TBC1D32: variants seen among roughly 807,000 people sequenced by gnomAD.
TBC1D32 encodes the protein protein broad-minded.
TBC1D32 carries 151 observed loss-of-function variants against 170.3 expected under a neutral mutation model. That is an observed-to-expected ratio of 0.89 (90% CI 0.78 to 1.01). The LOEUF is 1.01. Among genes scored for constraint, TBC1D32 ranks in the 50% least tolerant of loss-of-function variants. TBC1D32 has a pLI of 0.00. For missense variants in TBC1D32, 1,464 were observed against 1,457.1 expected (o/e 1.00, Z -0.08); for synonymous variants, 498 against 488.0 (o/e 1.02, Z -0.27).
intron 22 of TBC1D32, among the ~76,000 whole-genome samples, chr6:121,189,731 A>G (rs1789692392): frequency 6.6e-6 from 1 of 152,060 alleles, no homozygotes; most frequent in South Asian, 2.1e-4. Context: ...AGCATAACCT[A>G]GTTATAATCA....
chr6:121,214,935 TAA>T (rs990437857), intron 21 of TBC1D32, among the ~76,000 whole-genome samples: 1 of 152,092 alleles, frequency 6.6e-6, no homozygotes, highest in African/African-American at 2.4e-5. Context: ...CAGAAGTGGG[TAA>T]AGACTTTCTG....
In TBC1D32 at chr6:121,184,218, G is replaced by T. The variant is rs539364611; in HGVS notation, c.2570+20857C>A. On this transcript the variant is annotated intron_variant, in intron 22 of 31. Transcript: ENST00000398212. ...AGGGTAGCCTTGATTGTCCTAGCAA[G>T]CCAGAGGTCATGATGAAAAACTACT... Among the ~76,000 whole-genome samples the T allele has an allele frequency of 2.1e-3, 314 of 152,036 alleles. 1 individual carries two copies. Among genetic ancestry groups the T allele is most frequent in the African/African-American group, 7.3e-3 (302 of 41,494 alleles).
rs1365075357 is a variant in TBC1D32 at position 121,207,879 on chromosome 6, T to G, written c.2482-2716A>C. On this transcript the variant is annotated intron_variant, in intron 21 of 31. Coordinates refer to ENST00000398212, the MANE Select transcript of TBC1D32 (RefSeq NM_152730.6). ...CTAGGTTTGGGCTATGTGACTGACT[T>G]GTTTTTTTGAAGAAATAGGCAAGTG... Among the ~76,000 whole-genome samples, 11 of 152,168 alleles carry G rather than the reference T, an allele frequency of 7.2e-5. 1 individual carries two copies.
chr6:121,104,395 T>G (rs937343624), intron 30 of TBC1D32, among the ~76,000 whole-genome samples: 2 of 151,680 alleles, frequency 1.3e-5, no homozygotes, highest in African/African-American at 2.4e-5. Context: ...AGGATTCTTC[T>G]ATAGCACTGA....
chr6:121,294,845 T>C (rs1268324089), intron 10 of TBC1D32, among the ~76,000 whole-genome samples, 185 bp from the exon 11 acceptor site: 3 of 152,184 alleles, frequency 2.0e-5, no homozygotes, highest in African/African-American at 7.2e-5. Flanking sequence ...ATCACTCTGG[T>C]GAACACTGTG....
At position 121,236,532 on chromosome 6, in the gene TBC1D32, T is replaced by C. The variant is rs566411636; in HGVS notation, c.2364+2538A>G. 2.1e-3 allele frequency among the ~76,000 whole-genome samples: 313 copies of C among 152,216 alleles called. 1 individual carries two copies. Among genetic ancestry groups the C allele is most frequent in the African/African-American group, 7.2e-3 (301 of 41,544 alleles). On this transcript the variant is annotated intron_variant, in intron 20 of 31. Transcript: ENST00000398212. ...GATTATAAATGAAAAAAGAATCCCTTAGGGAATAAGACTTAGAGACTAGAA... is the reference window on the plus strand; with the variant it reads ...GATTATAAATGAAAAAAGAATCCCTCAGGGAATAAGACTTAGAGACTAGAA...
At chr6:121,253,608 C>G (rs1798583672) in intron 17 of TBC1D32, among the ~76,000 whole-genome samples, 1 of 151,848 alleles carries the variant, frequency 6.6e-6, no homozygotes, top group South Asian at 2.1e-4. Context: ...AGTCCCAGCT[C>G]CTCAGGAGGC....
At chr6:121,083,029 A>G (rs1409337290) in intron 31 of TBC1D32, among the ~76,000 whole-genome samples, 1 of 152,014 alleles carries the variant, frequency 6.6e-6, no homozygotes, top group Non-Finnish European at 1.5e-5. Context: ...ACATTTTTTC[A>G]TCTTATCCTA....
At chr6:121,290,078 CAT>C (rs1804584566) in intron 12 of TBC1D32, among the ~76,000 whole-genome samples, 2 of 152,260 alleles carry the variant, frequency 1.3e-5, no homozygotes, top group East Asian at 3.9e-4. Flanking sequence ...CCATTCAGGA[CAT>C]AGGCATGGAC....
chr6:121,324,399 G>A (rs1475546163), intron 1 of TBC1D32, among the ~76,000 whole-genome samples: 1 of 151,478 alleles, frequency 6.6e-6, no homozygotes, highest in Non-Finnish European at 1.5e-5. Flanking sequence ...ATTTATATTC[G>A]ATGTTTAGAT....
intron 22 of TBC1D32, among the ~76,000 whole-genome samples, chr6:121,194,890 T>C (rs1243037663): frequency 6.6e-6 from 1 of 152,220 alleles, no homozygotes; most frequent in Non-Finnish European, 1.5e-5. Context: ...ACTGGAATTA[T>C]TGCTGAGACA....
chr6:121,209,017 C>A (rs1792695726), intron 21 of TBC1D32, among the ~76,000 whole-genome samples: 1 of 151,852 alleles, frequency 6.6e-6, no homozygotes, highest in South Asian at 2.1e-4. Flanking sequence ...TGGAGAATAC[C>A]ATCTAGAGAA....
intron 5 of TBC1D32, 86 bp downstream of exon 5, chr6:121,307,890 A>T (rs1278051048): frequency 1.4e-6 from 2 of 1,431,684 alleles, no homozygotes; most frequent in African/African-American, 1.5e-5. Flanking sequence ...AAAGAAAAGA[A>T]AACTATCGTA....
intron 24 of TBC1D32, among the ~76,000 whole-genome samples, chr6:121,142,803 G>T (rs574261844): frequency 2.6e-5 from 4 of 152,018 alleles, no homozygotes; most frequent in Non-Finnish European, 5.9e-5. Flanking sequence ...AATAACTCCC[G>T]GGAAATCTAA....
intron 21 of TBC1D32, among the ~76,000 whole-genome samples, chr6:121,216,619 C>T (rs749512433): frequency 6.6e-6 from 1 of 152,160 alleles, no homozygotes; most frequent in Non-Finnish European, 1.5e-5. Context: ...TCCTGATTCA[C>T]TGCTCATGAG....
intron 15 of TBC1D32, among the ~76,000 whole-genome samples, chr6:121,270,273 T>C (rs1801180175): frequency 6.6e-6 from 1 of 151,794 alleles, no homozygotes; most frequent in Non-Finnish European, 1.5e-5. Context: ...AGAGCAGAAC[T>C]GAAGGAGATA....
chr6:121,106,406 A>G (rs1018044471), intron 29 of TBC1D32, among the ~76,000 whole-genome samples: 1 of 152,020 alleles, frequency 6.6e-6, no homozygotes, highest in African/African-American at 2.4e-5. Flanking sequence ...ACTCAGGAAA[A>G]AAGTTAATAA....
rs533974518 is a variant in TBC1D32 at position 121,190,073 on chromosome 6, G to GAC, written c.2570+15000_2570+15001dup. ...TCTTTCTTTCTCCTAGCCCAATACA[G>GAC]ACACACACACACACACACACACACA... On this transcript the variant is annotated intron_variant, in intron 22 of 31. Coordinates refer to ENST00000398212, the MANE Select transcript of TBC1D32 (RefSeq NM_152730.6). Among the ~76,000 whole-genome samples, 455 of 63,704 alleles carry GAC rather than the reference G, an allele frequency of 7.1e-3. 8 individuals carry two copies. Among genetic ancestry groups the GAC allele is most frequent in the Middle Eastern group, 0.018 (1 of 56 alleles). 41.8% of individuals were successfully genotyped at this position (63,704 alleles called of 152,430 possible).
chr6:121,228,875 T>A (rs1240287357), intron 20 of TBC1D32, among the ~76,000 whole-genome samples: 3 of 152,162 alleles, frequency 2.0e-5, no homozygotes, highest in Non-Finnish European at 4.4e-5. Context: ...TATTTCTTCC[T>A]TAAATTCTAT....
Sources: allele counts gnomAD v4.1 joint callset (sites outside exome capture counted in the v4.1 genomes callset), GRCh38; gene constraint gnomAD v4.1.1; transcripts MANE v1.5; gene names NCBI Gene and HGNC (gene_info 2026-07-23, HGNC 2026-07-21).